METAP1D: variants seen among roughly 807,000 people sequenced by gnomAD.
METAP1D encodes the protein methionyl aminopeptidase type 1D, mitochondrial, also known as methionine aminopeptidase 1D, mitochondrial.
In METAP1D, 31 loss-of-function variants were observed where a neutral mutation model predicts 40.5. That is an observed-to-expected ratio of 0.77 (90% confidence interval 0.58 to 1.03). The LOEUF (loss-of-function observed/expected upper bound fraction) is 1.03, where lower values mean the gene tolerates loss of function less well. METAP1D is among the 50% of genes least tolerant of loss of function. The pLI, the probability that METAP1D is intolerant of heterozygous loss-of-function variation, is 0.00. For synonymous variants in METAP1D, 151 were observed against 146.4 expected (o/e 1.03, Z -0.22); for missense variants, 411 against 420.7 (o/e 0.98, Z 0.20).
intron 1 of METAP1D, among the ~76,000 whole-genome samples, chr2:172,045,817 GTGTATATATATATATATATATA>G (rs1365780267): frequency 6.1e-5 from 1 of 16,346 alleles, no homozygotes; most frequent in Admixed American, 8.2e-4. Flanking sequence ...GTGTGTGTGT[GTGTATATATATATATATATATA>G]TATATATATA....
Position 172,080,599 on chromosome 2 carries a change from G to T in METAP1D, c.*193G>T, listed in dbSNP as rs1473197346. 1 of 634,228 alleles carries T rather than the reference G, an allele frequency of 1.6e-6. No homozygotes were observed. The highest frequency in any genetic ancestry group is 2.7e-6 in the Non-Finnish European group (1 of 366,074). The allele number at this position is 634,228 out of a possible 1,614,324, so 39.3% of individuals were successfully genotyped here. ...TCGGATCTGAAGCCCTGCTGGGGTCGCGCGGCTTTGGAAAAACAAATCCTG... is the reference window on the plus strand; with the variant it reads ...TCGGATCTGAAGCCCTGCTGGGGTCTCGCGGCTTTGGAAAAACAAATCCTG... On this transcript the variant is annotated 3_prime_UTR_variant, in exon 10 of 10. Transcript: ENST00000315796.
chr2:172,027,237 A>G (rs996849859), intron 1 of METAP1D, among the ~76,000 whole-genome samples: 9 of 152,244 alleles, frequency 5.9e-5, no homozygotes, highest in Non-Finnish European at 1.0e-4. Context: ...TTGTGCTTAT[A>G]GGTAAATCAC....
intron 1 of METAP1D, among the ~76,000 whole-genome samples, chr2:172,007,314 C>T (rs779475619): frequency 2.6e-5 from 4 of 151,828 alleles, no homozygotes; most frequent in East Asian, 1.9e-4. Flanking sequence ...GGACTATAGG[C>T]GCACACCACC....
Position 172,061,578 on chromosome 2 carries a change from T to TC in METAP1D, c.121_122insC (p.Phe41SerfsTer26), listed in dbSNP as rs1418404123. The TC allele has an allele frequency of 6.2e-7, 1 of 1,613,922 alleles. No individual in the cohort carries two copies. Among genetic ancestry groups the TC allele is most frequent in the Non-Finnish European group, 8.5e-7 (1 of 1,179,892 alleles). ...AAGCAGTCAACAAAGAAGAAATTTC[T>TC]TTTTTCGGAGACAAAGAGATATTTC... is the stretch of plus-strand genomic sequence containing the variant. On this transcript the variant is annotated frameshift_variant, in exon 2 of 10. Transcript: ENST00000315796. LOFTEE classifies it high-confidence loss of function.
At chr2:172,016,326 TATATAA>T (rs201853672) in intron 1 of METAP1D, among the ~76,000 whole-genome samples, 5,306 of 87,904 alleles carry the variant, frequency 0.06, 293 homozygotes, top group Non-Finnish European at 0.09. Flanking sequence ...TATATATATA[TATATAA>T]ATAGTCCAGG....
chr2:172,044,702 T>C (rs1400922014), intron 1 of METAP1D, among the ~76,000 whole-genome samples: 2 of 133,652 alleles, frequency 1.5e-5, no homozygotes, highest in East Asian at 4.0e-4. Flanking sequence ...AAGTCAGGAG[T>C]TCGAGACCAG....
chr2:172,037,134 T>C (rs1002566906), intron 1 of METAP1D, among the ~76,000 whole-genome samples: 2 of 152,064 alleles, frequency 1.3e-5, no homozygotes, highest in Admixed American at 6.6e-5. Context: ...TGGTGGTGCA[T>C]ACCTATAATC....
At chr2:172,004,099 A>C (rs1006966513) in intron 1 of METAP1D, among the ~76,000 whole-genome samples, 4 of 152,110 alleles carry the variant, frequency 2.6e-5, no homozygotes, top group Non-Finnish European at 5.9e-5. Context: ...ATATAAAAAA[A>C]ACTTAGAAGT....
At chr2:172,059,581 T>C (rs1418314714) in intron 1 of METAP1D, among the ~76,000 whole-genome samples, 1 of 152,226 alleles carries the variant, frequency 6.6e-6, no homozygotes, top group Non-Finnish European at 1.5e-5. Flanking sequence ...GGCACCAAGA[T>C]TTGAATTTCA....
intron 4 of METAP1D, 107 bp from the exon 5 acceptor site, chr2:172,066,157 A>G: frequency 1.2e-6 from 1 of 827,344 alleles, no homozygotes; most frequent in African/African-American, 1.7e-5. Context: ...ACTCCAAATT[A>G]TCACTGCATC....
chr2:172,044,749 A>G (rs1209652242), intron 1 of METAP1D, among the ~76,000 whole-genome samples: 2 of 132,388 alleles, frequency 1.5e-5, no homozygotes, highest in East Asian at 2.0e-4. Flanking sequence ...TCTACTTAAA[A>G]TACAAAATTA....
At chr2:172,052,025 A>G (rs939165941) in intron 1 of METAP1D, among the ~76,000 whole-genome samples, 3 of 152,190 alleles carry the variant, frequency 2.0e-5, no homozygotes, top group African/African-American at 7.2e-5. Context: ...AACTTCAAGG[A>G]CAACACGGTT....
chr2:172,007,910 C>CA (rs1229701684), intron 1 of METAP1D, among the ~76,000 whole-genome samples: 1 of 151,880 alleles, frequency 6.6e-6, no homozygotes, highest in Non-Finnish European at 1.5e-5. Flanking sequence ...GGCTGGTCTC[C>CA]AACTCCTGAT....
chr2:172,036,501 G>T (rs920761462), intron 1 of METAP1D, among the ~76,000 whole-genome samples: 1 of 150,570 alleles, frequency 6.6e-6, no homozygotes, highest in African/African-American at 2.4e-5. Context: ...AAGTAGCAGG[G>T]ACTACAGGCG....
rs1181633592 is a variant in METAP1D at position 172,071,077 on chromosome 2, C to G, written c.704+7C>G. ...TAATTGGAAACACAATCAGGTAAGCCTTACATTGACAAGTAAAGGGAGGGT... is the reference window on the plus strand; with the variant it reads ...TAATTGGAAACACAATCAGGTAAGCGTTACATTGACAAGTAAAGGGAGGGT... On this transcript the variant is annotated splice_region_variant and intron_variant, in intron 6 of 9. Coordinates refer to ENST00000315796, the MANE Select transcript of METAP1D (RefSeq NM_199227.3). 3 of 1,597,650 alleles carry G rather than the reference C, an allele frequency of 1.9e-6. No individual in the cohort carries two copies. Among genetic ancestry groups the G allele is most frequent in the Non-Finnish European group, 2.6e-6 (3 of 1,171,930 alleles).
intron 1 of METAP1D, among the ~76,000 whole-genome samples, chr2:172,003,884 C>T (rs764098805): frequency 3.0e-4 from 46 of 152,026 alleles, no homozygotes; most frequent in Non-Finnish European, 5.1e-4. Flanking sequence ...CCTGCCTCAG[C>T]CTCCCGAGTA....
At chr2:172,043,000 CAT>C (rs202246130) in intron 1 of METAP1D, among the ~76,000 whole-genome samples, 3,671 of 106,806 alleles carry the variant, frequency 0.034, 839 homozygotes, top group Admixed American at 0.11. Context: ...CGTGTGTACA[CAT>C]ATATGTGTAT....
In METAP1D at chr2:172,002,478, A is replaced by G. The variant is rs191436708; in HGVS notation, c.40+2469A>G. Reference sequence around the variant, plus strand: ...ACAAATGGTGGTTTAGACAGTCTTGAGAAAATATATTATATGGAAGTCAGG... The same window carrying G: ...ACAAATGGTGGTTTAGACAGTCTTGGGAAAATATATTATATGGAAGTCAGG... On this transcript the variant is annotated intron_variant, in intron 1 of 9. Coordinates refer to ENST00000315796, the MANE Select transcript of METAP1D (RefSeq NM_199227.3). Among the ~76,000 whole-genome samples the G allele has an allele frequency of 7.1e-4, 108 of 152,262 alleles. 1 individual carries two copies. In the East Asian group the frequency reaches 0.017, roughly 24 times the overall value.
chr2:172,033,564 C>G lies in METAP1D; in HGVS notation c.41-27934C>G, dbSNP rs903727450. 3.3e-5 allele frequency among the ~76,000 whole-genome samples: 5 copies of G among 151,880 alleles called. No homozygotes were observed. In the South Asian group the frequency reaches 6.2e-4, roughly 19 times the overall value. ...AGAGGCAAGGTTTCACTACGTTGGC[C>G]AGGCTGGTTTCGAATTCCTGACCTC... On this transcript the variant is annotated intron_variant, in intron 1 of 9. Transcript: ENST00000315796.
Sources: allele counts gnomAD v4.1 joint callset (sites outside exome capture counted in the v4.1 genomes callset), GRCh38; gene constraint gnomAD v4.1.1; transcripts MANE v1.5; gene names NCBI Gene and HGNC (gene_info 2026-07-23, HGNC 2026-07-21).